Variants in TMEM209 observed in about 807,000 individuals in gnomAD.
TMEM209 encodes the protein testicular tissue protein Li 202.
TMEM209 carries 65 observed loss-of-function variants against 76.2 expected under a neutral mutation model. The observed-to-expected ratio is 0.85, with a 90% CI of 0.70 to 1.05. TMEM209 has a LOEUF of 1.05. TMEM209 is among the 50% of genes least tolerant of loss of function. The pLI, the probability that TMEM209 is intolerant of heterozygous loss-of-function variation, is 0.00. For missense variants in TMEM209, 623 were observed against 685.5 expected, an observed-to-expected ratio of 0.91 and a Z score of 1.02; for synonymous variants, 239 against 237.6, an observed-to-expected ratio of 1.01 and a Z score of -0.06.
intron 11 of TMEM209, among the ~76,000 whole-genome samples, chr7:130,174,434 T>C (rs1325110826): frequency 6.6e-6 from 1 of 152,164 alleles, no homozygotes; most frequent in Non-Finnish European, 1.5e-5. Flanking sequence ...CAGACTCCCA[T>C]TCCCTACATA....
chr7:130,192,533 G>C, intron 6 of TMEM209, 89 bp downstream of exon 6: 1 of 1,095,514 alleles, frequency 9.1e-7, no homozygotes, highest in Non-Finnish European at 1.4e-6. Flanking sequence ...AATAAAGTAT[G>C]TTAGTATGGA....
chr7:130,187,838 T>C (rs1300720987), intron 6 of TMEM209, among the ~76,000 whole-genome samples: 1 of 151,996 alleles, frequency 6.6e-6, no homozygotes, highest in African/African-American at 2.4e-5. Context: ...ACAAAACAGC[T>C]AGGAAGAGAC....
rs1031479242 is a variant in TMEM209, at chr7:130,203,683, G to T, written c.199+105C>A. Reference sequence around the variant, plus strand: ...ATTCCCAGTTTTTACAACCCAGCAGGCAGTCAAATACTTGTTGAATAAGGA... The same window carrying T: ...ATTCCCAGTTTTTACAACCCAGCAGTCAGTCAAATACTTGTTGAATAAGGA... On this transcript the variant is annotated intron_variant, in intron 3 of 14. Coordinates refer to ENST00000397622, the MANE Select transcript of TMEM209 (RefSeq NM_032842.4). 10 of 949,428 alleles carry T rather than the reference G, an allele frequency of 1.1e-5. 1 individual carries two copies. The Admixed American group carries it at 1.1e-4, about 10-fold the overall frequency. The allele number at this position is 949,428 out of a possible 1,614,324, so 58.8% of individuals were successfully genotyped here.
intron 5 of TMEM209, among the ~76,000 whole-genome samples, chr7:130,195,998 T>C (rs1227734346): frequency 6.6e-6 from 1 of 152,166 alleles, no homozygotes; most frequent in Middle Eastern, 3.2e-3. Flanking sequence ...CACACCAGGA[T>C]TTCAATCCTG....
intron 5 of TMEM209, among the ~76,000 whole-genome samples, chr7:130,194,023 C>A (rs889220194): frequency 6.6e-6 from 1 of 151,576 alleles, no homozygotes. Flanking sequence ...ATGGTGAAAC[C>A]CCGTCTCTAC....
intron 5 of TMEM209, among the ~76,000 whole-genome samples, chr7:130,197,660 A>G (rs995529429): frequency 6.6e-6 from 1 of 152,228 alleles, no homozygotes; most frequent in African/African-American, 2.4e-5. Context: ...AATAACTTAA[A>G]AAGATCAGTA....
intron 13 of TMEM209, among the ~76,000 whole-genome samples, chr7:130,172,782 T>A (rs535702737): frequency 6.6e-6 from 1 of 151,946 alleles, no homozygotes; most frequent in Non-Finnish European, 1.5e-5. Context: ...GCAGACTGCC[T>A]GAGCTCAGGA....
At chr7:130,186,997 C>CT (rs1005171544) in intron 6 of TMEM209, among the ~76,000 whole-genome samples, 16 of 152,188 alleles carry the variant, frequency 1.1e-4, no homozygotes, top group African/African-American at 2.9e-4. Context: ...AATCCCAGCA[C>CT]TTTGGGAGGC....
intron 7 of TMEM209, among the ~76,000 whole-genome samples, chr7:130,184,833 G>A (rs1797540639): frequency 6.6e-6 from 1 of 152,106 alleles, no homozygotes; most frequent in African/African-American, 2.4e-5. Flanking sequence ...TCCATATTTG[G>A]TATTAAAGTG....
chr7:130,175,340 A>C, intron 11 of TMEM209, 172 bp downstream of exon 11: 4 of 549,218 alleles, frequency 7.3e-6, no homozygotes, highest in Non-Finnish European at 1.3e-5. Context: ...GTTCAGGCCT[A>C]GTCCCAGCTA....
chr7:130,198,053 A>C (rs1798051370), intron 5 of TMEM209, among the ~76,000 whole-genome samples: 1 of 152,308 alleles, frequency 6.6e-6, no homozygotes, highest in African/African-American at 2.4e-5. Flanking sequence ...TCTTCCACTA[A>C]AATCAATCCC....
chr7:130,193,583 T>C (rs764912600), intron 5 of TMEM209, among the ~76,000 whole-genome samples: 24 of 150,644 alleles, frequency 1.6e-4, no homozygotes, highest in Non-Finnish European at 2.8e-4. Context: ...CGAAAAGACA[T>C]AAAGCAATCT....
intron 11 of TMEM209, among the ~76,000 whole-genome samples, chr7:130,174,697 A>G (rs1216501006): frequency 3.3e-5 from 5 of 152,226 alleles, no homozygotes; most frequent in Non-Finnish European, 7.3e-5. Context: ...CCTAAATGTA[A>G]TTCTAGGAGT....
chr7:130,166,759 C>T (rs1584659988), intron 14 of TMEM209, among the ~76,000 whole-genome samples: 1 of 152,066 alleles, frequency 6.6e-6, no homozygotes, highest in African/African-American at 2.4e-5. Context: ...AGAACTATTA[C>T]ACCAGGTAAT....
chr7:130,177,450 G>A (rs1797275507), intron 10 of TMEM209, among the ~76,000 whole-genome samples: 1 of 151,860 alleles, frequency 6.6e-6, no homozygotes, highest in East Asian at 1.9e-4. Context: ...CTATAATCAC[G>A]GCACTTGGGG....
At position 130,166,236 on chromosome 7, in the gene TMEM209, G is replaced by A. The variant is rs1169697547; in HGVS notation, c.*215C>T. ...TAGTCAACTGAAATTTCTGAAAAGC[G>A]ATATAAAATTAAAGGCAATGTCTCG... On this transcript the variant is annotated 3_prime_UTR_variant, in exon 15 of 15. Transcript: ENST00000397622. 7 of 362,928 alleles carry A rather than the reference G, an allele frequency of 1.9e-5. No homozygotes were observed. The South Asian group carries it at 3.2e-4, about 17-fold the overall frequency. 22.5% of individuals were successfully genotyped at this position (362,928 alleles called of 1,614,324 possible).
chr7:130,187,772 T>C (rs1194389096), intron 6 of TMEM209, among the ~76,000 whole-genome samples: 1 of 152,082 alleles, frequency 6.6e-6, no homozygotes, highest in African/African-American at 2.4e-5. Flanking sequence ...AGCTTAGAAA[T>C]TACTTAAGTT....
intron 10 of TMEM209, among the ~76,000 whole-genome samples, chr7:130,177,784 G>T (rs1382549820): frequency 2.6e-5 from 4 of 152,062 alleles, no homozygotes; most frequent in African/African-American, 9.7e-5. Context: ...GTTTTAAAAA[G>T]TCATGAAAAA....
At chr7:130,202,800 G>T in intron 3 of TMEM209, 137 bp from the exon 4 acceptor site, 1 of 1,069,500 alleles carries the variant, frequency 9.4e-7, no homozygotes, top group Non-Finnish European at 1.3e-6. Flanking sequence ...AATGTTATGT[G>T]TAGGGTGGCT....
Sources: gnomAD v4.1 joint callset for allele counts (sites outside exome capture counted in the v4.1 genomes callset) on GRCh38, gnomAD v4.1.1 for gene constraint, MANE v1.5 for transcripts, NCBI Gene and HGNC (gene_info 2026-07-23, HGNC 2026-07-21) for gene names.